DISP1: variants seen among roughly 807,000 people sequenced by gnomAD.
DISP1 encodes the protein protein dispatched homolog 1.
Under a neutral mutation model 37.3 loss-of-function variants are expected in DISP1, and 30 were observed. The ratio of observed to expected loss-of-function variants is 0.80; its 90% CI spans 0.60 to 1.09. The LOEUF (loss-of-function observed/expected upper bound fraction) is 1.09. DISP1 is among the 50% of genes least tolerant of loss of function. The probability of loss-of-function intolerance (pLI) is 0.00; values close to 1 mark genes in which losing one functional copy is unlikely to be tolerated. For synonymous variants in DISP1, 634 were observed against 690.2 expected (o/e 0.92, Z 1.28); for missense variants, 1,598 against 1,879.5 (o/e 0.85, Z 2.77).
intron 3 of DISP1, among the ~76,000 whole-genome samples, chr1:222,972,430 A>T (rs1469665461): frequency 6.6e-6 from 1 of 152,082 alleles, no homozygotes; most frequent in Non-Finnish European, 1.5e-5. Flanking sequence ...CTCCGAAAAT[A>T]GTGTTTTTAT....
intron 1 of DISP1, among the ~76,000 whole-genome samples, chr1:222,817,280 T>G (rs559530805): frequency 2.6e-5 from 4 of 152,364 alleles, no homozygotes; most frequent in Admixed American, 6.5e-5. Flanking sequence ...ATTCACTATT[T>G]CTTTTTATTT....
chr1:222,841,786 A>T (rs546081920), intron 1 of DISP1, among the ~76,000 whole-genome samples: 1 of 152,192 alleles, frequency 6.6e-6, no homozygotes, highest in Non-Finnish European at 1.5e-5. Context: ...AAATATTGAT[A>T]TTGGTAAAAT....
chr1:222,861,836 C>T (rs146176654), intron 1 of DISP1, among the ~76,000 whole-genome samples: 9 of 152,202 alleles, frequency 5.9e-5, no homozygotes, highest in African/African-American at 2.2e-4. Flanking sequence ...AAAGCAAAAA[C>T]ATGTTTCTCA....
intron 1 of DISP1, among the ~76,000 whole-genome samples, chr1:222,902,649 C>G (rs1427666556): frequency 6.6e-6 from 1 of 152,080 alleles, no homozygotes; most frequent in Non-Finnish European, 1.5e-5. Flanking sequence ...AGGATATGAA[C>G]AGACACTTCT....
At chr1:222,941,127 G>A (rs1421371693) in intron 2 of DISP1, among the ~76,000 whole-genome samples, 2 of 152,180 alleles carry the variant, frequency 1.3e-5, no homozygotes, top group East Asian at 3.8e-4. Context: ...AGAAAATGAT[G>A]AGATTAGTTC....
At chr1:222,828,781 T>A (rs1262600392) in intron 1 of DISP1, among the ~76,000 whole-genome samples, 3 of 152,206 alleles carry the variant, frequency 2.0e-5, no homozygotes, top group Non-Finnish European at 4.4e-5. Context: ...TTTAAAAAAT[T>A]ATTTCTGCCC....
intron 1 of DISP1, among the ~76,000 whole-genome samples, chr1:222,842,314 A>T (rs76911058): frequency 0.025 from 3,156 of 127,750 alleles, 109 homozygotes; most frequent in African/African-American, 0.073. Context: ...CTGTCATTTT[A>T]AAAAAAAAAA....
intron 1 of DISP1, among the ~76,000 whole-genome samples, chr1:222,855,721 T>G (rs1379373346): frequency 6.6e-6 from 1 of 152,200 alleles, no homozygotes; most frequent in Non-Finnish European, 1.5e-5. Flanking sequence ...CCCTTCTCTT[T>G]ATTTTAAAAC....
intron 1 of DISP1, among the ~76,000 whole-genome samples, chr1:222,864,603 GT>G (rs1188532361): frequency 1.3e-5 from 2 of 151,704 alleles, no homozygotes; most frequent in Non-Finnish European, 2.9e-5. Flanking sequence ...TAATTCTTTT[GT>G]TTTTGTTTTA....
At chr1:222,987,994 A>C (rs2102727771) in intron 4 of DISP1, among the ~76,000 whole-genome samples, 1 of 152,294 alleles carries the variant, frequency 6.6e-6, no homozygotes, top group South Asian at 2.1e-4. Context: ...GTGGAGGAGG[A>C]AATAAAGTAA....
Position 222,962,600 on chromosome 1 carries a change from G to A in DISP1, c.509+19268G>A, listed in dbSNP as rs117602435. On this transcript the variant is annotated intron_variant, in intron 3 of 8. Coordinates refer to ENST00000675850, the MANE Select transcript of DISP1 (RefSeq NM_001377229.1). ...AACAGACATATAGACCACTGTAACA[G>A]AACAGAGACCCCAGATATAACACCA... 4.6e-5 allele frequency among the ~76,000 whole-genome samples: 7 copies of A among 152,220 alleles called. No individual in the cohort carries two copies. In the East Asian group the frequency reaches 1.4e-3, roughly 29 times the overall value.
chr1:222,882,486 GTTC>G (rs1382605105), intron 1 of DISP1, among the ~76,000 whole-genome samples: 3 of 152,064 alleles, frequency 2.0e-5, no homozygotes, highest in Non-Finnish European at 2.9e-5. Context: ...AGTTTGGTGG[GTTC>G]TTCTCTTCTC....
chr1:222,979,001 C>T (rs1329013434), intron 3 of DISP1, among the ~76,000 whole-genome samples: 3 of 151,838 alleles, frequency 2.0e-5, no homozygotes, highest in Admixed American at 2.0e-4. Flanking sequence ...CTTGGCGATG[C>T]AGGCTCTTTT....
chr1:222,877,687 A>G (rs576442868), intron 1 of DISP1, among the ~76,000 whole-genome samples: 2 of 152,322 alleles, frequency 1.3e-5, no homozygotes, highest in Non-Finnish European at 2.9e-5. Flanking sequence ...ATGATCAACT[A>G]ATCACCCAAA....
chr1:222,991,344 T>A (rs905003062), intron 5 of DISP1, among the ~76,000 whole-genome samples, 176 bp from the exon 6 acceptor site: 2 of 152,224 alleles, frequency 1.3e-5, no homozygotes, highest in Non-Finnish European at 2.9e-5. Flanking sequence ...TAGGTGATGA[T>A]TATCATGTCA....
intron 1 of DISP1, among the ~76,000 whole-genome samples, chr1:222,905,878 A>G (rs754945618): frequency 1.4e-5 from 2 of 147,082 alleles, no homozygotes; most frequent in Non-Finnish European, 3.1e-5. Context: ...TAGGTCTTTG[A>G]GGATTTACTC....
intron 1 of DISP1, among the ~76,000 whole-genome samples, chr1:222,825,044 G>C (rs1476324575): frequency 6.6e-6 from 1 of 151,974 alleles, no homozygotes; most frequent in Non-Finnish European, 1.5e-5. Context: ...CACCAAATGA[G>C]TAGTTATTAG....
At chr1:222,887,251 A>G (rs548440325) in intron 1 of DISP1, among the ~76,000 whole-genome samples, 1 of 152,254 alleles carries the variant, frequency 6.6e-6, no homozygotes, top group Admixed American at 6.5e-5. Flanking sequence ...CACATTTTTA[A>G]AATACTTGTT....
chr1:222,912,799 G>A (rs146218191), intron 1 of DISP1, among the ~76,000 whole-genome samples: 16 of 152,246 alleles, frequency 1.1e-4, no homozygotes, highest in African/African-American at 3.4e-4. Flanking sequence ...TTAAGTTTGA[G>A]TAAACTTTTG....
Sources: gnomAD v4.1 joint callset for allele counts (sites outside exome capture counted in the v4.1 genomes callset) on GRCh38, gnomAD v4.1.1 for gene constraint, MANE v1.5 for transcripts, NCBI Gene and HGNC (gene_info 2026-07-23, HGNC 2026-07-21) for gene names.